The following RORA variants were observed in gnomAD, a reference collection of about 807,000 sequenced individuals.
RORA encodes nuclear receptor ROR-alpha.
Under a neutral mutation model 69.5 loss-of-function variants are expected in RORA, and 7 were observed. That is an observed-to-expected ratio of 0.10 (90% CI 0.06 to 0.19). The LOEUF (loss-of-function observed/expected upper bound fraction) is 0.19, where lower values mean the gene tolerates loss of function less well. RORA is among the 10% of genes least tolerant of loss of function. RORA has a pLI of 1.00. For synonymous variants in RORA, 261 were observed against 240.8 expected (o/e 1.08, Z -0.78); for missense variants, 457 against 663.0 (o/e 0.69, Z 3.41).
At chr15:60,498,213 C>T (rs552536414) in intron 10 of RORA, among the ~76,000 whole-genome samples, 1 of 152,294 alleles carries the variant, frequency 6.6e-6, no homozygotes, top group East Asian at 1.9e-4. Flanking sequence ...TCATACAGAA[C>T]CCAAGGCTCT....
chr15:60,674,855 C>T (rs2070529892), intron 2 of RORA, among the ~76,000 whole-genome samples: 1 of 152,086 alleles, frequency 6.6e-6, no homozygotes, highest in African/African-American at 2.4e-5. Context: ...TGTATCTGTC[C>T]CTCAGTGTGG....
chr15:60,636,192 A>G (rs1181457773), intron 2 of RORA, among the ~76,000 whole-genome samples: 1 of 152,156 alleles, frequency 6.6e-6, no homozygotes, highest in Non-Finnish European at 1.5e-5. Flanking sequence ...CCTTTCCTGA[A>G]CAAGAAACCG....
At chr15:60,783,635 A>T (rs912985994) in intron 1 of RORA, among the ~76,000 whole-genome samples, 1 of 152,254 alleles carries the variant, frequency 6.6e-6, no homozygotes, top group Non-Finnish European at 1.5e-5. Flanking sequence ...GGTCTAAGTC[A>T]GGTCCTTGGC....
chr15:61,121,280 G>A (rs1453715785), intron 1 of RORA, among the ~76,000 whole-genome samples: 1 of 152,182 alleles, frequency 6.6e-6, no homozygotes. Flanking sequence ...GAGCTAGCAG[G>A]AAGTGGAACT....
At chr15:60,703,104 CA>C (rs1423567192) in intron 1 of RORA, among the ~76,000 whole-genome samples, 2 of 149,982 alleles carry the variant, frequency 1.3e-5, no homozygotes, top group African/African-American at 4.9e-5. Context: ...CATAATGGAG[CA>C]AGGAGACGAT....
At chr15:60,731,751 C>G (rs2071431507) in intron 1 of RORA, among the ~76,000 whole-genome samples, 1 of 152,174 alleles carries the variant, frequency 6.6e-6, no homozygotes, top group Non-Finnish European at 1.5e-5. Flanking sequence ...CAGTTGACTG[C>G]TGTTAGTGCC....
intron 2 of RORA, among the ~76,000 whole-genome samples, chr15:60,604,023 C>T (rs138788217): frequency 4.3e-4 from 65 of 151,050 alleles, no homozygotes; most frequent in African/African-American, 1.6e-3. Context: ...CTGTAATCTA[C>T]GCAGGAGGCT....
intron 1 of RORA, among the ~76,000 whole-genome samples, chr15:61,027,330 A>AT (rs553890476): frequency 1.6e-3 from 239 of 152,336 alleles, no homozygotes; most frequent in Non-Finnish European, 1.5e-3. Context: ...AGGGCTAGCC[A>AT]TACCTTTCTA....
chr15:61,014,774 C>T (rs926010812), intron 1 of RORA, among the ~76,000 whole-genome samples: 8 of 152,116 alleles, frequency 5.3e-5, no homozygotes, highest in East Asian at 1.9e-4. Flanking sequence ...CTAACACAGA[C>T]GAAGCCAAAG....
intron 1 of RORA, among the ~76,000 whole-genome samples, chr15:60,871,617 C>A (rs975949911): frequency 4.6e-5 from 7 of 152,194 alleles, no homozygotes; most frequent in African/African-American, 1.7e-4. Flanking sequence ...TATTCCAAAG[C>A]TGAATGGTTT....
intron 1 of RORA, among the ~76,000 whole-genome samples, chr15:60,985,969 G>A (rs1894190672): frequency 6.6e-6 from 1 of 152,184 alleles, no homozygotes; most frequent in African/African-American, 2.4e-5. Context: ...TGAAGGCTGT[G>A]GGAACCACAA....
chr15:61,115,143 C>A (rs918100142), intron 1 of RORA, among the ~76,000 whole-genome samples: 7 of 152,154 alleles, frequency 4.6e-5, no homozygotes, highest in African/African-American at 1.7e-4. Context: ...GGTTTAGAGT[C>A]TTGGGTCTGG....
In RORA at chr15:60,592,751, C is replaced by G. The variant is rs562522854; in HGVS notation, c.197-60900G>C. On this transcript the variant is annotated intron_variant, in intron 2 of 10. Transcript: ENST00000335670. The stretch of plus-strand genomic sequence containing the variant: ...CTGGCCCACCCCGGCCGGGCCTGCC[C>G]TCCCGCGCCCCGGGCCCTCGCCCGG... The G allele has an allele frequency of 1.9e-3, 1,969 of 1,063,156 alleles. 6 individuals are homozygous for G. The highest frequency in any genetic ancestry group is 2.2e-3 in the Non-Finnish European group (1,821 of 846,450). 65.9% of individuals were successfully genotyped at this position (1,063,156 alleles called of 1,614,324 possible). A position where few individuals can be genotyped will look rare whatever the true frequency, so the allele number is the denominator to read the frequency against.
chr15:60,518,319 C>T (rs767144075), intron 3 of RORA, among the ~76,000 whole-genome samples: 6 of 152,254 alleles, frequency 3.9e-5, no homozygotes, highest in Non-Finnish European at 8.8e-5. Flanking sequence ...AGACTGTTAA[C>T]ATAGAAGCAT....
intron 1 of RORA, among the ~76,000 whole-genome samples, chr15:60,927,475 T>G (rs758498644): frequency 6.6e-6 from 1 of 152,168 alleles, no homozygotes; most frequent in Non-Finnish European, 1.5e-5. Flanking sequence ...CAGGGGAACA[T>G]AAAAACCTGA....
chr15:60,573,327 T>C (rs2067935377), intron 2 of RORA, among the ~76,000 whole-genome samples: 1 of 152,208 alleles, frequency 6.6e-6, no homozygotes, highest in Non-Finnish European at 1.5e-5. Context: ...TGAAGACTCG[T>C]GGCGGATGCC....
intron 2 of RORA, among the ~76,000 whole-genome samples, chr15:60,609,639 C>T (rs1268484213): frequency 6.6e-6 from 1 of 152,196 alleles, no homozygotes; most frequent in Admixed American, 6.5e-5. Context: ...GAAGCCGCCG[C>T]ATCTCAACCC....
intron 1 of RORA, among the ~76,000 whole-genome samples, chr15:60,866,927 G>A (rs1312773528): frequency 6.6e-6 from 1 of 152,046 alleles, no homozygotes; most frequent in African/African-American, 2.4e-5. Flanking sequence ...GGGCAGTGGT[G>A]CGATCTTGGC....
At chr15:60,923,813 A>G (rs1195874775) in intron 1 of RORA, among the ~76,000 whole-genome samples, 3 of 151,128 alleles carry the variant, frequency 2.0e-5, no homozygotes, top group Non-Finnish European at 4.4e-5. Flanking sequence ...CCAGGAAAAA[A>G]CCCTCCCCTC....
Sources: gnomAD v4.1 joint callset for allele counts (sites outside exome capture counted in the v4.1 genomes callset) on GRCh38, gnomAD v4.1.1 for gene constraint, MANE v1.5 for transcripts, NCBI Gene and HGNC (gene_info 2026-07-23, HGNC 2026-07-21) for gene names.